The following PFDN2 variants were observed in gnomAD, a reference collection of about 807,000 sequenced individuals.
PFDN2 encodes prefoldin subunit 2.
In PFDN2, 7 loss-of-function variants were observed where a neutral mutation model predicts 18.3. The observed-to-expected ratio is 0.38, with a 90% CI of 0.22 to 0.72. The LOEUF (loss-of-function observed/expected upper bound fraction) is 0.72, where lower values mean the gene tolerates loss of function less well. Ranked by LOEUF, PFDN2 falls within the 30% of genes least tolerant of loss-of-function variation. The pLI is 0.47. For missense variants in PFDN2, 181 were observed against 199.1 expected (o/e 0.91, Z 0.55); for synonymous variants, 76 against 75.0 (o/e 1.01, Z -0.07).
rs1365410458 is a variant in PFDN2, at chr1:161,102,132, A to G, written c.204T>C (p.Arg68=). 1.2e-6 allele frequency: 2 copies of G among 1,614,066 alleles called. No homozygotes were observed. Among genetic ancestry groups the G allele is most frequent in the African/African-American group, 2.7e-5 (2 of 74,922 alleles). The part of the protein sequence containing the change: ...IDTLKEVDET[R]KCYRMVGGVL... ...CTCCTCCAACCATGCGGTAGCACTT[A>G]CGAGTTTCATCTACCTCCTTCAGTG... The change falls in exon 3 of 4, where the codon CGT becomes CGC. Residue 68 remains arginine (R), a synonymous_variant. Transcript: ENST00000368010.
At chr1:161,114,513 C>G (rs192480222) in intron 1 of PFDN2, among the ~76,000 whole-genome samples, 1 of 152,206 alleles carries the variant, frequency 6.6e-6, no homozygotes, top group East Asian at 1.9e-4. Flanking sequence ...ACTAACTTCT[C>G]TCATCCTTTA....
chr1:161,107,510 C>A (rs980818645), intron 1 of PFDN2, among the ~76,000 whole-genome samples: 1 of 150,996 alleles, frequency 6.6e-6, no homozygotes, highest in African/African-American at 2.4e-5. Context: ...ATAAATAGTA[C>A]CAATATAAAA....
chr1:161,111,886 C>T lies in PFDN2; in HGVS notation c.75+6066G>A, dbSNP rs1654817781. On this transcript the variant is annotated intron_variant, in intron 1 of 3. Transcript: ENST00000368010. ...TGATAATTTGATATATTCATATAAT[C>T]AAATCAGGGTAACCTATACTATTTC... is the stretch of plus-strand genomic sequence containing the variant. Among the ~76,000 whole-genome samples the T allele has an allele frequency of 4.6e-5, 7 of 152,280 alleles. No individual in the cohort carries two copies. In the South Asian group the frequency reaches 8.3e-4, roughly 18 times the overall value.
chr1:161,100,952 T>A, intron 3 of PFDN2, 93 bp from the exon 4 acceptor site: 2 of 888,002 alleles, frequency 2.3e-6, no homozygotes, highest in Non-Finnish European at 1.8e-6. Flanking sequence ...TTAACACATT[T>A]AACCTTACCT....
chr1:161,101,164 C>A (rs1035729337), intron 3 of PFDN2, among the ~76,000 whole-genome samples: 1 of 152,104 alleles, frequency 6.6e-6, no homozygotes. Flanking sequence ...GCTAGGAATA[C>A]AGGCATGAGC....
At chr1:161,113,081 G>A (rs1174242581) in intron 1 of PFDN2, among the ~76,000 whole-genome samples, 6 of 151,996 alleles carry the variant, frequency 3.9e-5, no homozygotes, top group South Asian at 2.1e-4. Context: ...CTGCAGTTCC[G>A]ACAATAAATG....
At chr1:161,112,209 T>G (rs1308166978) in intron 1 of PFDN2, among the ~76,000 whole-genome samples, 1 of 152,228 alleles carries the variant, frequency 6.6e-6, no homozygotes, top group African/African-American at 2.4e-5. Context: ...CACAGAATGT[T>G]GTAAGGATTA....
intron 1 of PFDN2, among the ~76,000 whole-genome samples, chr1:161,108,711 G>T (rs537366119): frequency 6.6e-6 from 1 of 152,124 alleles, no homozygotes; most frequent in Non-Finnish European, 1.5e-5. Flanking sequence ...ACTGCATGTC[G>T]CTAGAAAGCT....
chr1:161,113,943 C>G (rs1223901356), intron 1 of PFDN2, among the ~76,000 whole-genome samples: 1 of 152,210 alleles, frequency 6.6e-6, no homozygotes, highest in Non-Finnish European at 1.5e-5. Flanking sequence ...GAATGTTAAT[C>G]AAGGAACAGC....
At chr1:161,110,841 G>T (rs1296539057) in intron 1 of PFDN2, among the ~76,000 whole-genome samples, 2 of 118,234 alleles carry the variant, frequency 1.7e-5, no homozygotes, top group Non-Finnish European at 3.6e-5. Flanking sequence ...TTTTTGTAGA[G>T]ACTTTTTTTT....
In PFDN2 at chr1:161,104,333, G is replaced by A. The variant is rs1654636383; in HGVS notation, c.76-1958C>T. 2.6e-5 allele frequency among the ~76,000 whole-genome samples: 4 copies of A among 152,042 alleles called. No individual in the cohort carries two copies. The South Asian group carries it at 8.3e-4, about 32-fold the overall frequency. On this transcript the variant is annotated intron_variant, in intron 1 of 3. Transcript: ENST00000368010. ...ATCCATTCAAACCATTACCAAATAC[G>A]AGTGTATTTGCAAATATCATCTCCA...
At chr1:161,107,730 G>A (rs999378018) in intron 1 of PFDN2, among the ~76,000 whole-genome samples, 3 of 151,662 alleles carry the variant, frequency 2.0e-5, no homozygotes, top group Non-Finnish European at 2.9e-5. Flanking sequence ...CAGGAGAATC[G>A]CTTGAACTCG....
At chr1:161,114,618 C>T (rs772755375) in intron 1 of PFDN2, among the ~76,000 whole-genome samples, 2 of 152,192 alleles carry the variant, frequency 1.3e-5, no homozygotes, top group East Asian at 1.9e-4. Flanking sequence ...CAAAACACTT[C>T]GCATGCATTG....
Position 161,110,614 on chromosome 1 carries a change from T to C in PFDN2, c.75+7338A>G, listed in dbSNP as rs545215587. ...CTTCTTACATGACATTTACTCTTAC[T>C]GGTTTCAATAGAAGAATAGAAGAGG... is the stretch of plus-strand genomic sequence containing the variant. On this transcript the variant is annotated intron_variant, in intron 1 of 3. Coordinates refer to ENST00000368010, the MANE Select transcript of PFDN2 (RefSeq NM_012394.4). Among the ~76,000 whole-genome samples the C allele has an allele frequency of 3.9e-5, 6 of 152,272 alleles. No individual in the cohort carries two copies. The South Asian group carries it at 1.2e-3, about 32-fold the overall frequency.
At position 161,100,808 on chromosome 1, in the gene PFDN2, C is replaced by G. The variant is rs1199455378; in HGVS notation, c.340G>C (p.Glu114Gln). 1 of 1,613,838 alleles carries G rather than the reference C, an allele frequency of 6.2e-7. No homozygotes were observed. The highest frequency in any genetic ancestry group is 1.3e-5 in the African/African-American group (1 of 74,880). Residue 114 changes from glutamate (E) to glutamine (Q), a missense_variant, in exon 4 of 4, where the codon GAA (glutamate) becomes CAA (glutamine). Physicochemically the swap from Glu to Gln is conservative, Grantham distance 29. Transcript: ENST00000368010. ...TGCTTTTCCCGGAATTCATTTAGTTCTTTTCCCTTTGCCTGAAGCTGCTGT... is the reference window on the plus strand; with the variant it reads ...TGCTTTTCCCGGAATTCATTTAGTTGTTTTCCCTTTGCCTGAAGCTGCTGT... Reference protein sequence around the residue: ...LTQQLQAKGKELNEFREKHNI... With the variant: ...LTQQLQAKGKQLNEFREKHNI...
intron 1 of PFDN2, among the ~76,000 whole-genome samples, chr1:161,114,272 T>TTGTC (rs747785606): frequency 6.6e-6 from 1 of 152,214 alleles, no homozygotes; most frequent in Non-Finnish European, 1.5e-5. Context: ...TCCCCCAAAA[T>TTGTC]TGTCTGTCTT....
In PFDN2 at chr1:161,100,876, A is replaced by G; in HGVS notation, c.289-17T>C. 1.9e-6 allele frequency: 3 copies of G among 1,600,154 alleles called. No individual in the cohort carries two copies. Among genetic ancestry groups the G allele is most frequent in the Non-Finnish European group, 2.6e-6 (3 of 1,168,036 alleles). ...CTTCTGTATCTAGAGGACAAGTGAC[A>G]GGGATTATATAAGGAATTCAGGACT... is the stretch of plus-strand genomic sequence containing the variant. On this transcript the variant is annotated splice_polypyrimidine_tract_variant and intron_variant, in intron 3 of 3. Coordinates refer to ENST00000368010, the MANE Select transcript of PFDN2 (RefSeq NM_012394.4).
intron 1 of PFDN2, among the ~76,000 whole-genome samples, chr1:161,111,295 C>A (rs1045466680): frequency 2.6e-5 from 4 of 152,138 alleles, no homozygotes; most frequent in Non-Finnish European, 4.4e-5. Flanking sequence ...GTTGAAATCC[C>A]AGTTTTGCCA....
At position 161,103,025 on chromosome 1, in the gene PFDN2, T is replaced by G. The variant is rs78650364; in HGVS notation, c.76-650A>C. On this transcript the variant is annotated intron_variant, in intron 1 of 3. Transcript: ENST00000368010. ...CCTACAGGGGAGCCTAGACTTGCAGTGAGGGCTGTCAGGAAGGGCTTTGTA... is the reference window on the plus strand; with the variant it reads ...CCTACAGGGGAGCCTAGACTTGCAGGGAGGGCTGTCAGGAAGGGCTTTGTA... Among the ~76,000 whole-genome samples the G allele has an allele frequency of 7.3e-5, 11 of 151,364 alleles. No individual in the cohort carries two copies. In the East Asian group the frequency reaches 2.1e-3, roughly 30 times the overall value.
Sources: gnomAD v4.1 joint callset for allele counts (sites outside exome capture counted in the v4.1 genomes callset) on GRCh38, gnomAD v4.1.1 for gene constraint, MANE v1.5 for transcripts, NCBI Gene and HGNC (gene_info 2026-07-23, HGNC 2026-07-21) for gene names.